RORA: variants seen among roughly 807,000 people sequenced by gnomAD.
The protein encoded by RORA is nuclear receptor ROR-alpha.
Under a neutral mutation model 69.5 loss-of-function variants are expected in RORA, and 7 were observed. That is an observed-to-expected ratio of 0.10 (90% CI 0.06 to 0.19). The LOEUF (loss-of-function observed/expected upper bound fraction) is 0.19. Among genes scored for constraint, RORA ranks in the 10% least tolerant of loss-of-function variants. The pLI, the probability that RORA is intolerant of heterozygous loss-of-function variation, is 1.00. For missense variants in RORA, 457 were observed against 663.0 expected, an observed-to-expected ratio of 0.69 and a Z score of 3.41; for synonymous variants, 261 against 240.8, an observed-to-expected ratio of 1.08 and a Z score of -0.78.
intron 1 of RORA, among the ~76,000 whole-genome samples, chr15:61,203,384 G>C (rs1341991014): frequency 6.6e-6 from 1 of 152,212 alleles, no homozygotes; most frequent in East Asian, 1.9e-4. Flanking sequence ...CTTGATCTGA[G>C]TGATGGTTTC....
intron 1 of RORA, among the ~76,000 whole-genome samples, chr15:61,094,071 C>T (rs1361517937): frequency 6.6e-6 from 1 of 152,188 alleles, no homozygotes; most frequent in Non-Finnish European, 1.5e-5. Context: ...GAGAGAGCCT[C>T]ATGCTGGTGA....
chr15:60,571,656 C>G (rs984894163), intron 2 of RORA, among the ~76,000 whole-genome samples: 1 of 152,116 alleles, frequency 6.6e-6, no homozygotes, highest in Non-Finnish European at 1.5e-5. Context: ...CTTATCCTGG[C>G]ATGGTGTTTA....
intron 1 of RORA, among the ~76,000 whole-genome samples, chr15:61,167,511 T>C (rs1236450221): frequency 2.6e-5 from 2 of 77,216 alleles, no homozygotes; most frequent in East Asian, 7.4e-4. Context: ...TTTTTTTTTT[T>C]TTTTTTTTTT....
At chr15:61,115,489 A>C (rs1049684883) in intron 1 of RORA, among the ~76,000 whole-genome samples, 1 of 152,210 alleles carries the variant, frequency 6.6e-6, no homozygotes, top group African/African-American at 2.4e-5. Context: ...GACTCCCTCA[A>C]GGAAAGCCAA....
At chr15:61,024,980 T>C (rs1895728232) in intron 1 of RORA, among the ~76,000 whole-genome samples, 1 of 152,224 alleles carries the variant, frequency 6.6e-6, no homozygotes, top group Non-Finnish European at 1.5e-5. Flanking sequence ...TTTGTTTGTT[T>C]TGCTTTGGTT....
intron 1 of RORA, among the ~76,000 whole-genome samples, chr15:60,881,010 G>C (rs577280821): frequency 7.9e-5 from 12 of 152,088 alleles, no homozygotes; most frequent in Admixed American, 2.6e-4. Context: ...ACCCCATTAT[G>C]GACTCCTCAA....
chr15:60,866,688 C>T (rs967815141), intron 1 of RORA, among the ~76,000 whole-genome samples: 2 of 152,090 alleles, frequency 1.3e-5, no homozygotes, highest in African/African-American at 4.8e-5. Flanking sequence ...GCCATAAAAC[C>T]CAAAAGGACA....
At chr15:61,082,296 C>G (rs967056668) in intron 1 of RORA, among the ~76,000 whole-genome samples, 1 of 152,198 alleles carries the variant, frequency 6.6e-6, no homozygotes, top group Non-Finnish European at 1.5e-5. Flanking sequence ...GGAGATCAGC[C>G]TGGCCAACAT....
At chr15:61,007,332 T>G (rs1356071429) in intron 1 of RORA, among the ~76,000 whole-genome samples, 1 of 152,220 alleles carries the variant, frequency 6.6e-6, no homozygotes, top group Non-Finnish European at 1.5e-5. Flanking sequence ...TCTCACCATT[T>G]ATATGATACG....
At chr15:61,129,782 A>T (rs756273956) in intron 1 of RORA, among the ~76,000 whole-genome samples, 1 of 152,208 alleles carries the variant, frequency 6.6e-6, no homozygotes, top group Non-Finnish European at 1.5e-5. Context: ...TTCCTGTCTT[A>T]ATCTTCTGAT....
In RORA at chr15:60,914,276, C is replaced by G. The variant is rs528499683; in HGVS notation, c.167-235590G>C. Reference sequence around the variant, plus strand: ...AGACTGCGAGAGAAAGGGTGGGAGGCTTTGGGGAAAGGGCTTTCCCAAAGT... The same window carrying G: ...AGACTGCGAGAGAAAGGGTGGGAGGGTTTGGGGAAAGGGCTTTCCCAAAGT... On this transcript the variant is annotated intron_variant, in intron 1 of 10. Coordinates refer to ENST00000335670, the MANE Select transcript of RORA (RefSeq NM_134261.3). Among the ~76,000 whole-genome samples, 20 of 152,196 alleles carry G rather than the reference C, an allele frequency of 1.3e-4. No homozygotes were observed. The South Asian group carries it at 3.3e-3, about 25-fold the overall frequency.
intron 1 of RORA, among the ~76,000 whole-genome samples, chr15:61,109,483 G>A (rs1324009281): frequency 6.6e-6 from 1 of 152,140 alleles, no homozygotes; most frequent in East Asian, 1.9e-4. Context: ...CACTGCCTCT[G>A]TTATCACATG....
chr15:60,669,196 T>C (rs186951963), intron 2 of RORA, among the ~76,000 whole-genome samples: 2 of 152,334 alleles, frequency 1.3e-5, no homozygotes, highest in East Asian at 3.9e-4. Context: ...TCCATGCCTC[T>C]GATTTTAATG....
chr15:61,134,838 G>T (rs1269349793), intron 1 of RORA, among the ~76,000 whole-genome samples: 1 of 152,014 alleles, frequency 6.6e-6, no homozygotes, highest in Non-Finnish European at 1.5e-5. Context: ...TCTTCAGTGG[G>T]TCACTCACTC....
At chr15:60,514,521 G>T in intron 4 of RORA, 95 bp downstream of exon 4, 2 of 1,204,834 alleles carry the variant, frequency 1.7e-6, no homozygotes, top group Non-Finnish European at 2.4e-6. Flanking sequence ...TGAGGAGGGG[G>T]CAGGCGGGGC....
rs1298594442 is a variant in RORA, at chr15:61,213,441, G to A, written c.166+15612C>T. ...AAAATTTTGCTATAAGACAAGGTCCGAAATGCTTAGGCTCGCCCCTGCCTA... is the reference window on the plus strand; with the variant it reads ...AAAATTTTGCTATAAGACAAGGTCCAAAATGCTTAGGCTCGCCCCTGCCTA... On this transcript the variant is annotated intron_variant, in intron 1 of 10. Coordinates refer to ENST00000335670, the MANE Select transcript of RORA (RefSeq NM_134261.3). This position sits in a 1 kb window ranked among gnomAD's most constrained non-coding sequence, Gnocchi z 4.1. Among the ~76,000 whole-genome samples, 8 of 152,100 alleles carry A rather than the reference G, an allele frequency of 5.3e-5. No homozygotes were observed. The highest frequency in any genetic ancestry group is 2.1e-4 in the South Asian group (1 of 4,824).
intron 1 of RORA, among the ~76,000 whole-genome samples, chr15:60,928,450 G>T (rs991778451): frequency 6.6e-6 from 1 of 152,114 alleles, no homozygotes; most frequent in Non-Finnish European, 1.5e-5. Context: ...AAGCATTCGC[G>T]CTCAGTATGC....
intron 2 of RORA, among the ~76,000 whole-genome samples, chr15:60,676,923 T>C (rs1172142795): frequency 6.6e-6 from 1 of 152,252 alleles, no homozygotes; most frequent in African/African-American, 2.4e-5. Flanking sequence ...TTTCTGTCTA[T>C]GTTATCTTAT....
chr15:61,211,128 C>A (rs936467608), intron 1 of RORA, among the ~76,000 whole-genome samples: 1 of 152,106 alleles, frequency 6.6e-6, no homozygotes, highest in Admixed American at 6.5e-5. Flanking sequence ...CAAAGAAAGG[C>A]TCTGCTGTCC....
Sources: allele counts gnomAD v4.1 joint callset (sites outside exome capture counted in the v4.1 genomes callset), GRCh38; gene constraint gnomAD v4.1.1; non-coding constraint Gnocchi (gnomAD v3.1); transcripts MANE v1.5; gene names NCBI Gene and HGNC (gene_info 2026-07-23, HGNC 2026-07-21).